The following ARID1B variants were observed in gnomAD, a reference collection of about 807,000 sequenced individuals.
The protein encoded by ARID1B is AT-rich interaction domain 1B.
In ARID1B, 30 loss-of-function variants were observed where a neutral mutation model predicts 212.3. The observed-to-expected ratio is 0.14, with a 90% CI of 0.11 to 0.19. The LOEUF is 0.19. ARID1B is among the 10% of genes least tolerant of loss of function. The pLI is 1.00. For missense variants in ARID1B, 2,891 were observed against 3,204.0 expected (o/e 0.90, Z 2.36); for synonymous variants, 1,402 against 1,301.7 (o/e 1.08, Z -1.66).
intron 1 of ARID1B, among the ~76,000 whole-genome samples, chr6:156,786,163 C>T (rs981729795): frequency 5.3e-4 from 81 of 152,152 alleles, no homozygotes; most frequent in Admixed American, 2.0e-3. Flanking sequence ...ATTTTATTTT[C>T]CCACTATTAG....
rs2128290493 is a variant in ARID1B, at chr6:157,167,087, G to A, written c.3137G>A (p.Ser1046Asn). 1 of 1,612,536 alleles carries A rather than the reference G, an allele frequency of 6.2e-7. No individual in the cohort carries two copies. The change falls in exon 9 of 20, where the codon AGC (serine) becomes AAC (asparagine). Residue 1046 changes from serine to asparagine, a missense_variant. Ser to Asn is a conservative substitution (Grantham distance 46). Around this residue, in one of 7 missense-constraint regions of ARID1B, gnomAD observed 1,643 missense variants for 1,544.0 expected, o/e 1.06. Transcript: ENST00000636930. ...GMNQSGLMAS[S>N]SPYSQPMNNS... ...AACCAGAGTGGACTTATGGCTTCCA[G>A]CTCTCCCTACAGCCAGCCCATGAAC...
rs1364598961 is a variant in ARID1B, at chr6:157,207,616, T to C, written c.6844T>C (p.Leu2282=). 2 of 1,614,176 alleles carry C rather than the reference T, an allele frequency of 1.2e-6. No individual in the cohort carries two copies. The highest frequency in any genetic ancestry group is 2.2e-5 in the South Asian group (2 of 91,078). The change falls in exon 20 of 20, where the codon TTG becomes CTG. Residue 2282 remains leucine, a synonymous_variant. Coordinates refer to ENST00000636930, the MANE Select transcript of ARID1B (RefSeq NM_001374828.1). The surrounding 1 kb of genome is among the most constrained non-coding windows in gnomAD (Gnocchi z 8.5). The part of the protein sequence containing the change: ...IAVQKGSIGN[L]ISFLEDGVTM... ...TGTGCAGAAAGGAAGCATTGGAAAC[T>C]TGATAAGCTTCCTAGAGGATGGGGT...
chr6:157,189,932 A>T, intron 14 of ARID1B, 106 bp from the exon 15 acceptor site: 1 of 1,577,972 alleles, frequency 6.3e-7, no homozygotes, highest in Non-Finnish European at 8.6e-7. Flanking sequence ...TTTATCTTGA[A>T]TGGTTTTTGC....
chr6:156,786,513 G>C (rs1238689037), intron 1 of ARID1B, among the ~76,000 whole-genome samples: 1 of 152,144 alleles, frequency 6.6e-6, no homozygotes, highest in African/African-American at 2.4e-5. Flanking sequence ...AATTGTACTG[G>C]AATTGCTGCT....
Position 156,778,345 on chromosome 6 carries a change from G to A in ARID1B, c.665G>A (p.Ser222Asn), listed in dbSNP as rs1004236528. 9 of 1,541,648 alleles carry A rather than the reference G, an allele frequency of 5.8e-6. No individual in the cohort carries two copies. The highest frequency in any genetic ancestry group is 7.9e-6 in the Non-Finnish European group (9 of 1,146,054). ...QQQHPISNNN[S>N]LGGAGGGAPQ... ...CAACATCCCATTTCCAACAACAACA[G>A]CTTGGGCGGCGCGGGCGGCGGCGCG... Residue 222 changes from serine (S) to asparagine (N), a missense_variant, in exon 1 of 20, where the codon AGC becomes AAC. Around this residue, in one of 7 missense-constraint regions of ARID1B, gnomAD observed 1,643 missense variants for 1,544.0 expected, o/e 1.06. Transcript: ENST00000636930.
intron 2 of ARID1B, among the ~76,000 whole-genome samples, chr6:156,864,869 G>C (rs1440389656): frequency 1.3e-5 from 2 of 152,208 alleles, no homozygotes; most frequent in Non-Finnish European, 2.9e-5. Flanking sequence ...ACACTATTCA[G>C]AAATGAGCCA....
intron 2 of ARID1B, among the ~76,000 whole-genome samples, chr6:156,877,515 G>A (rs564508762): frequency 7.7e-4 from 51 of 66,216 alleles, no homozygotes; most frequent in South Asian, 6.3e-3. Context: ...CTTCAATAAC[G>A]TGTCTCCCTA....
At chr6:157,175,208 G>C in intron 11 of ARID1B, 1 of 385,982 alleles carries the variant, frequency 2.6e-6, no homozygotes, top group Non-Finnish European at 4.3e-6. Flanking sequence ...CAAAGAAGTT[G>C]ATTTCTGGTA....
intron 3 of ARID1B, among the ~76,000 whole-genome samples, chr6:156,912,474 A>AGG (rs1439426625): frequency 6.6e-6 from 1 of 152,004 alleles, no homozygotes; most frequent in South Asian, 2.1e-4. Flanking sequence ...GGAAAGAGGG[A>AGG]GGGAAGACCC....
chr6:157,078,442 G>A (rs1465167743), intron 4 of ARID1B, among the ~76,000 whole-genome samples: 1 of 152,158 alleles, frequency 6.6e-6, no homozygotes, highest in Non-Finnish European at 1.5e-5. Flanking sequence ...ATACTATGTT[G>A]AGAGGTCTAT....
chr6:157,097,191 C>G (rs1244047382), intron 5 of ARID1B, among the ~76,000 whole-genome samples: 1 of 152,158 alleles, frequency 6.6e-6, no homozygotes, highest in Non-Finnish European at 1.5e-5. Flanking sequence ...ATTTTAAACT[C>G]TGTAAGAAAA....
At chr6:156,818,177 G>T (rs1782108889) in intron 1 of ARID1B, among the ~76,000 whole-genome samples, 1 of 120,670 alleles carries the variant, frequency 8.3e-6, no homozygotes, top group Admixed American at 1.0e-4. Context: ...TTTCTTTAAT[G>T]AAGCACATTA....
At chr6:156,961,865 G>C (rs772690762) in intron 4 of ARID1B, among the ~76,000 whole-genome samples, 26 of 152,140 alleles carry the variant, frequency 1.7e-4, no homozygotes, top group Non-Finnish European at 3.2e-4. Context: ...TAAACATAAT[G>C]TTGGGGTGGG....
chr6:157,007,704 A>G (rs150068655), intron 4 of ARID1B, among the ~76,000 whole-genome samples: 90 of 151,972 alleles, frequency 5.9e-4, no homozygotes, highest in African/African-American at 1.8e-3. Context: ...TTTTGCAGCA[A>G]TAGTTAAGGA....
intron 2 of ARID1B, 77 bp downstream of exon 2, chr6:156,829,498 T>C: frequency 1.4e-6 from 2 of 1,411,964 alleles, no homozygotes; most frequent in South Asian, 3.0e-5. Context: ...CTAAGATTGA[T>C]GTTAAAGAGA....
chr6:156,889,520 A>G (rs889225354), intron 2 of ARID1B, among the ~76,000 whole-genome samples: 2 of 152,244 alleles, frequency 1.3e-5, no homozygotes, highest in East Asian at 1.9e-4. Context: ...TTTTATGAAT[A>G]CTTGAATAAA....
chr6:157,040,108 T>A (rs1340088236), intron 4 of ARID1B, among the ~76,000 whole-genome samples: 1 of 151,954 alleles, frequency 6.6e-6, no homozygotes, highest in African/African-American at 2.4e-5. Context: ...TGCCACTAAT[T>A]TTTGAATTCT....
At chr6:157,125,003 C>T (rs2128560316) in intron 6 of ARID1B, among the ~76,000 whole-genome samples, 1 of 152,284 alleles carries the variant, frequency 6.6e-6, no homozygotes, top group East Asian at 1.9e-4. Flanking sequence ...ACTTGCAGGT[C>T]TGAAGCAACC....
intron 4 of ARID1B, among the ~76,000 whole-genome samples, chr6:157,021,526 C>T (rs1780260339): frequency 6.6e-6 from 1 of 152,220 alleles, no homozygotes; most frequent in Non-Finnish European, 1.5e-5. Context: ...GCCCTCCCTA[C>T]CCCGCACGTA....
Sources: gnomAD v4.1 joint callset for allele counts (sites outside exome capture counted in the v4.1 genomes callset) on GRCh38, gnomAD v4.1.1 for gene constraint, gnomAD v4.1.1 regional missense constraint, Gnocchi (gnomAD v3.1) non-coding constraint, MANE v1.5 for transcripts, NCBI Gene and HGNC (gene_info 2026-07-23, HGNC 2026-07-21) for gene names.